SPAG16: variants seen among roughly 807,000 people sequenced by gnomAD.
SPAG16 encodes sperm-associated antigen 16 protein.
SPAG16 carries 86 observed loss-of-function variants against 80.4 expected under a neutral mutation model. The ratio of observed to expected loss-of-function variants is 1.07; its 90% CI spans 0.90 to 1.28. The LOEUF (loss-of-function observed/expected upper bound fraction) is 1.28, where lower values mean the gene tolerates loss of function less well. SPAG16 is among the 50% of genes most tolerant of loss of function. The pLI is 0.00. For missense variants in SPAG16, 870 were observed against 765.3 expected (o/e 1.14, Z -1.61); for synonymous variants, 294 against 265.9 (o/e 1.11, Z -1.03).
chr2:213,645,387 G>A (rs1451357429), intron 10 of SPAG16, among the ~76,000 whole-genome samples: 2 of 152,072 alleles, frequency 1.3e-5, no homozygotes, highest in Non-Finnish European at 2.9e-5. Context: ...AAGTCTCAGT[G>A]TCTCACCCAA....
chr2:213,861,463 T>C lies in SPAG16; in HGVS notation c.1071-1022T>C, dbSNP rs572311614. Among the ~76,000 whole-genome samples the C allele has an allele frequency of 1.2e-3, 183 of 152,262 alleles. 3 individuals are homozygous for C. Among genetic ancestry groups the C allele is most frequent in the Middle Eastern group, 3.4e-3 (1 of 294 alleles). ...TTTATAGAATAGACTAAGGGAAAAA[T>C]GAACATGTGATCGCTGTTTTTTAAA... On this transcript the variant is annotated intron_variant, in intron 10 of 15. Coordinates refer to ENST00000331683, the MANE Select transcript of SPAG16 (RefSeq NM_024532.5).
chr2:213,874,068 G>T (rs2076051647), intron 11 of SPAG16, among the ~76,000 whole-genome samples: 2 of 151,940 alleles, frequency 1.3e-5, no homozygotes, highest in South Asian at 4.1e-4. Flanking sequence ...CAGTATAAAA[G>T]ATAAAAAGTG....
chr2:214,227,343 C>T (rs1027638746), intron 15 of SPAG16, among the ~76,000 whole-genome samples: 2 of 151,918 alleles, frequency 1.3e-5, no homozygotes, highest in Non-Finnish European at 2.9e-5. Context: ...ATATTTACTA[C>T]AAATATACCT....
At chr2:213,964,378 A>G (rs2044602322) in intron 12 of SPAG16, among the ~76,000 whole-genome samples, 1 of 152,154 alleles carries the variant, frequency 6.6e-6, no homozygotes, top group South Asian at 2.1e-4. Context: ...TTCAGCCTGA[A>G]GAACACCTTT....
At chr2:213,430,811 A>T (rs2070246670) in intron 9 of SPAG16, among the ~76,000 whole-genome samples, 1 of 152,198 alleles carries the variant, frequency 6.6e-6, no homozygotes, top group Admixed American at 6.5e-5. Flanking sequence ...AAAGGAAAAA[A>T]ATTCTAAAAT....
At chr2:213,636,031 T>C (rs2062349030) in intron 10 of SPAG16, among the ~76,000 whole-genome samples, 1 of 152,232 alleles carries the variant, frequency 6.6e-6, no homozygotes, top group Admixed American at 6.5e-5. Context: ...CCTAAGCCAA[T>C]GTCTAAAAGA....
intron 14 of SPAG16, among the ~76,000 whole-genome samples, chr2:214,141,595 A>G (rs1186456856): frequency 3.3e-5 from 5 of 152,270 alleles, no homozygotes; most frequent in African/African-American, 1.2e-4. Flanking sequence ...ACTTCTTTCC[A>G]TAAGATATTT....
intron 10 of SPAG16, among the ~76,000 whole-genome samples, chr2:213,511,740 C>T (rs2075233669): frequency 6.6e-6 from 1 of 151,896 alleles, no homozygotes; most frequent in Non-Finnish European, 1.5e-5. Context: ...TCTTGCCTTT[C>T]AAAATTACAG....
chr2:214,118,376 A>G (rs1048400156), intron 14 of SPAG16, among the ~76,000 whole-genome samples: 6 of 152,192 alleles, frequency 3.9e-5, no homozygotes, highest in African/African-American at 1.4e-4. Flanking sequence ...CATGGACTGG[A>G]AGAATTAATA....
At chr2:213,698,306 G>A (rs1345039869) in intron 10 of SPAG16, among the ~76,000 whole-genome samples, 2 of 152,044 alleles carry the variant, frequency 1.3e-5, no homozygotes, top group Non-Finnish European at 2.9e-5. Flanking sequence ...CTATTGCCCA[G>A]GCTGGAGTGT....
chr2:214,280,149 G>A (rs748744468), intron 15 of SPAG16, among the ~76,000 whole-genome samples: 23 of 152,230 alleles, frequency 1.5e-4, no homozygotes, highest in Non-Finnish European at 3.1e-4. Flanking sequence ...GATGATGTCG[G>A]TAATGCAATG....
intron 9 of SPAG16, among the ~76,000 whole-genome samples, chr2:213,446,431 G>A (rs1485315219): frequency 6.6e-6 from 1 of 152,208 alleles, no homozygotes; most frequent in East Asian, 1.9e-4. Flanking sequence ...GTCACTACAG[G>A]AATTTTGGAA....
intron 9 of SPAG16, among the ~76,000 whole-genome samples, chr2:213,467,142 G>T (rs1037692195): frequency 2.0e-5 from 3 of 151,998 alleles, no homozygotes; most frequent in Admixed American, 6.6e-5. Context: ...AAGGGCTGTT[G>T]CAGGGTTTGA....
chr2:214,258,482 TA>T (rs1690877936), intron 15 of SPAG16, among the ~76,000 whole-genome samples: 1 of 148,998 alleles, frequency 6.7e-6, no homozygotes, highest in Non-Finnish European at 1.5e-5. Flanking sequence ...TATATATATA[TA>T]TATATATACA....
chr2:213,732,785 C>T (rs1426310898), intron 10 of SPAG16, among the ~76,000 whole-genome samples: 4 of 152,068 alleles, frequency 2.6e-5, no homozygotes, highest in African/African-American at 7.2e-5. Context: ...TGAAGATAAG[C>T]ACTTAGGTTG....
intron 15 of SPAG16, among the ~76,000 whole-genome samples, chr2:214,343,936 T>G (rs1363418812): frequency 6.6e-6 from 1 of 152,156 alleles, no homozygotes; most frequent in Non-Finnish European, 1.5e-5. Flanking sequence ...AGAATGCAGT[T>G]CTGGGTCTCA....
intron 1 of SPAG16, among the ~76,000 whole-genome samples, chr2:213,288,227 T>A (rs954871213): frequency 2.0e-5 from 3 of 152,192 alleles, no homozygotes; most frequent in Non-Finnish European, 2.9e-5. Flanking sequence ...TGCTGTCTTC[T>A]TAAGTAACAG....
chr2:214,223,975 G>C (rs1172670319), intron 15 of SPAG16, among the ~76,000 whole-genome samples: 1 of 152,190 alleles, frequency 6.6e-6, no homozygotes, highest in Non-Finnish European at 1.5e-5. Context: ...AATGGGTAAA[G>C]TGAATCAATA....
At chr2:214,253,882 A>G (rs1385001451) in intron 15 of SPAG16, among the ~76,000 whole-genome samples, 1 of 152,124 alleles carries the variant, frequency 6.6e-6, no homozygotes, top group African/African-American at 2.4e-5. Flanking sequence ...GAATCTATAA[A>G]TTACTTTGGG....
Sources: gnomAD v4.1 joint callset for allele counts (sites outside exome capture counted in the v4.1 genomes callset) on GRCh38, gnomAD v4.1.1 for gene constraint, MANE v1.5 for transcripts, NCBI Gene and HGNC (gene_info 2026-07-23, HGNC 2026-07-21) for gene names.